The following DDX43 variants were observed in gnomAD, a reference collection of about 807,000 sequenced individuals.
DDX43 encodes DEAD-box helicase 43, also known as probable ATP-dependent RNA helicase DDX43.
A neutral mutation model predicts 84.9 loss-of-function variants in DDX43; 50 were observed. That is an observed-to-expected ratio of 0.59 (90% CI 0.47 to 0.75). The LOEUF (loss-of-function observed/expected upper bound fraction) is 0.75. Ranked by LOEUF, DDX43 falls within the 30% of genes least tolerant of loss-of-function variation. DDX43 has a pLI of 0.00. For missense variants in DDX43, 689 were observed against 798.6 expected (o/e 0.86, Z 1.65); for synonymous variants, 291 against 266.3 (o/e 1.09, Z -0.90).
intron 4 of DDX43, 104 bp from the exon 5 acceptor site, chr6:73,404,586 T>C: frequency 1.1e-6 from 1 of 881,712 alleles, no homozygotes; most frequent in East Asian, 2.4e-5. Flanking sequence ...TCAAATGGTA[T>C]GCATGGTAAA....
chr6:73,400,132 T>C, intron 2 of DDX43, 102 bp from the exon 3 acceptor site: 1 of 970,944 alleles, frequency 1.0e-6, no homozygotes, highest in Non-Finnish European at 1.5e-6. Context: ...CTGTAATAGA[T>C]TTTGAAGTTG....
At chr6:73,406,721 A>C (rs1769691166) in intron 7 of DDX43, among the ~76,000 whole-genome samples, 1 of 152,240 alleles carries the variant, frequency 6.6e-6, no homozygotes, top group Non-Finnish European at 1.5e-5. Context: ...GAAACTGTTT[A>C]AACTATGTCC....
At chr6:73,407,906 T>A in intron 8 of DDX43, 54 bp from the exon 9 acceptor site, 1 of 1,530,954 alleles carries the variant, frequency 6.5e-7, no homozygotes, top group South Asian at 1.2e-5. Context: ...GATTTTAAGT[T>A]GTGATGAGAT....
Position 73,414,022 on chromosome 6 carries a change from C to G in DDX43, c.1549C>G (p.Leu517Val). The part of the protein sequence containing the change: ...LILGNISVES[L>V]HGDREQRDRE... ...ACTTGGAAATATATCAGTAGAGTCT[C>G]TGCATGGAGATAGAGAACAGAGAGA... Residue 517 changes from leucine to valine, a missense_variant, in exon 13 of 17, where the codon CTG (leucine) becomes GTG (valine). Transcript: ENST00000370336. The G allele has an allele frequency of 6.2e-7, 1 of 1,612,468 alleles. No individual in the cohort carries two copies. The highest frequency in any genetic ancestry group is 8.5e-7 in the Non-Finnish European group (1 of 1,178,594).
In DDX43 at chr6:73,415,481, T is replaced by A; in HGVS notation, c.1746-16T>A. The A allele has an allele frequency of 5.6e-6, 9 of 1,593,116 alleles. No homozygotes were observed. Among genetic ancestry groups the A allele is most frequent in the Non-Finnish European group, 7.7e-6 (9 of 1,163,274 alleles). ...CTGAATAATGAATACATGAGTTTTT[T>A]TCCCCCACACTAAAGGAGGACTGGT... is the stretch of plus-strand genomic sequence containing the variant. On this transcript the variant is annotated splice_polypyrimidine_tract_variant and intron_variant, in intron 14 of 16. Coordinates refer to ENST00000370336, the MANE Select transcript of DDX43 (RefSeq NM_018665.3).
chr6:73,401,658 T>TG (rs1769572100), intron 3 of DDX43, among the ~76,000 whole-genome samples: 1 of 151,786 alleles, frequency 6.6e-6, no homozygotes, highest in Non-Finnish European at 1.5e-5. Flanking sequence ...AAAAATTAGC[T>TG]GGGCGTTGCG....
chr6:73,411,388 G>T (rs1769782709), intron 10 of DDX43, among the ~76,000 whole-genome samples: 1 of 149,666 alleles, frequency 6.7e-6, no homozygotes, highest in Non-Finnish European at 1.5e-5. Context: ...GAGTGCAGTG[G>T]CATGATCTCC....
Position 73,400,267 on chromosome 6 carries a change from AT to A in DDX43, c.345del (p.Phe115LeufsTer13). On this transcript the variant is annotated frameshift_variant, in exon 3 of 17. Coordinates refer to ENST00000370336, the MANE Select transcript of DDX43 (RefSeq NM_018665.3). LOFTEE classifies it high-confidence loss of function. ...IQEQPESLVKIFGSKAMQTKA... is the reference protein window; with the variant it reads ...IQEQPESLVKXFGSKAMQTKA... ...AGAACAACCAGAATCATTAGTCAAA[AT>A]TTTTGGCAGCAAGGCAATGCAAACG... 1.9e-6 allele frequency: 3 copies of A among 1,605,764 alleles called. No homozygotes were observed. The highest frequency in any genetic ancestry group is 2.2e-5 in the South Asian group (2 of 89,192).
chr6:73,402,859 G>A (rs374403580), intron 4 of DDX43, among the ~76,000 whole-genome samples: 7 of 152,154 alleles, frequency 4.6e-5, no homozygotes, highest in African/African-American at 1.2e-4. Context: ...GATTACAGGC[G>A]TGAGCCACCC....
In DDX43 at chr6:73,404,812, G is replaced by A. The variant is rs867023283; in HGVS notation, c.650+41G>A. ...ACCTAGTTGTGTAAGTATTTGTATA[G>A]TTACGTTATTGGTATTAACACTTCG... On this transcript the variant is annotated intron_variant, in intron 5 of 16. Transcript: ENST00000370336. 4.1e-6 allele frequency: 6 copies of A among 1,458,136 alleles called. No homozygotes were observed. The Middle Eastern group carries it at 7.0e-4, about 170-fold the overall frequency. The allele number at this position is 1,458,136 out of a possible 1,614,324, so 90.3% of individuals were successfully genotyped here.
At chr6:73,416,453 A>C (rs1769901484) in intron 16 of DDX43, among the ~76,000 whole-genome samples, 1 of 152,230 alleles carries the variant, frequency 6.6e-6, no homozygotes, top group African/African-American at 2.4e-5. Context: ...TTATAGCAGC[A>C]CTATTCATAA....
chr6:73,406,198 A>G (rs2124002), intron 6 of DDX43, among the ~76,000 whole-genome samples, 166 bp from the exon 7 acceptor site: 2 of 77,846 alleles, frequency 2.6e-5, no homozygotes, highest in Non-Finnish European at 5.8e-5. Flanking sequence ...TAATTTTTGT[A>G]TTTTTAGTAG....
chr6:73,405,489 A>C (rs1769658591), intron 5 of DDX43, among the ~76,000 whole-genome samples, 190 bp from the exon 6 acceptor site: 1 of 152,200 alleles, frequency 6.6e-6, no homozygotes, highest in Admixed American at 6.5e-5. Context: ...TTCCCATTGC[A>C]ACTATTCTCA....
chr6:73,402,930 G>A (rs1162514145), intron 4 of DDX43, among the ~76,000 whole-genome samples: 1 of 152,096 alleles, frequency 6.6e-6, no homozygotes, highest in African/African-American at 2.4e-5. Flanking sequence ...TATATATGGG[G>A]GATAATGCTT....
rs538597626 is a variant in DDX43 at position 73,412,668 on chromosome 6, T to TGTGC, written c.1368+377_1368+378insTGCG. 6.8e-3 allele frequency among the ~76,000 whole-genome samples: 740 copies of TGTGC among 108,314 alleles called. 23 individuals are homozygous for TGTGC. Among genetic ancestry groups the TGTGC allele is most frequent in the Non-Finnish European group, 9.0e-3 (490 of 54,640 alleles). 71.1% of individuals were successfully genotyped at this position (108,314 alleles called of 152,430 possible). On this transcript the variant is annotated intron_variant, in intron 11 of 16. Transcript: ENST00000370336. ...GTGTGTGTGTGTGTGTGTGTGTGTG[T>TGTGC]GCGCGCGCGCGTGTGTGTGTGTGCG...
chr6:73,399,803 G>A (rs1014084884), intron 2 of DDX43, among the ~76,000 whole-genome samples: 5 of 152,114 alleles, frequency 3.3e-5, no homozygotes, highest in African/African-American at 1.2e-4. Flanking sequence ...TAAGTAACCT[G>A]GCAGTTCAGT....
intron 2 of DDX43, among the ~76,000 whole-genome samples, chr6:73,400,025 C>T (rs1194305372): frequency 6.6e-6 from 1 of 152,204 alleles, no homozygotes; most frequent in East Asian, 1.9e-4. Flanking sequence ...CCCTCTCCAT[C>T]TGACTAGGAG....
rs533782115 is a variant in DDX43 at position 73,394,971 on chromosome 6, A to G, written c.66A>G (p.Thr22=). 7 of 1,614,268 alleles carry G rather than the reference A, an allele frequency of 4.3e-6. No homozygotes were observed. The highest frequency in any genetic ancestry group is 2.2e-5 in the East Asian group (1 of 44,890). Residue 22 remains threonine (T), a synonymous_variant, in exon 1 of 17, where the codon ACA becomes ACG. Coordinates refer to ENST00000370336, the MANE Select transcript of DDX43 (RefSeq NM_018665.3). Reference sequence around the variant, plus strand: ...TCGTTGCTAGTCGGCGAAGCTCGACAGTGTCCCGAGCGCCAGAGAGGAGGC... The same window carrying G: ...TCGTTGCTAGTCGGCGAAGCTCGACGGTGTCCCGAGCGCCAGAGAGGAGGC... ...TWVVASRRSS[T]VSRAPERRPA... is the part of the protein sequence containing the mutation.
chr6:73,396,645 C>G (rs909515639), intron 1 of DDX43, among the ~76,000 whole-genome samples: 53 of 152,072 alleles, frequency 3.5e-4, no homozygotes, highest in African/African-American at 1.3e-3. Context: ...ACGTATATCA[C>G]AATACTAATA....
Sources: allele counts gnomAD v4.1 joint callset (sites outside exome capture counted in the v4.1 genomes callset), GRCh38; gene constraint gnomAD v4.1.1; transcripts MANE v1.5; gene names NCBI Gene and HGNC (gene_info 2026-07-23, HGNC 2026-07-21).